ZFP64: variants seen among roughly 807,000 people sequenced by gnomAD.
ZFP64 encodes the protein zinc finger protein 64.
Under a neutral mutation model 51.6 loss-of-function variants are expected in ZFP64, and 14 were observed. That is an observed-to-expected ratio of 0.27 (90% CI 0.18 to 0.42). The LOEUF is 0.42. ZFP64 is among the 10% of genes least tolerant of loss of function. The pLI, the probability that ZFP64 is intolerant of heterozygous loss-of-function variation, is 1.00. For missense variants in ZFP64, 754 were observed against 906.8 expected, an observed-to-expected ratio of 0.83 and a Z score of 2.16; for synonymous variants, 375 against 361.4, an observed-to-expected ratio of 1.04 and a Z score of -0.43.
intron 2 of ZFP64, among the ~76,000 whole-genome samples, chr20:52,170,142 A>C (rs1014547617): frequency 7.2e-5 from 11 of 151,818 alleles, no homozygotes; most frequent in African/African-American, 2.7e-4. Context: ...AGGAAGCATC[A>C]TGAGTGGGCA....
At chr20:52,136,096 CAAAAAAAA>C (rs71192597) in intron 5 of ZFP64, among the ~76,000 whole-genome samples, 2 of 38,040 alleles carry the variant, frequency 5.3e-5, no homozygotes, top group Admixed American at 8.2e-4. Flanking sequence ...GAGACTCTCT[CAAAAAAAA>C]AAAAAAAAAA....
intron 5 of ZFP64, among the ~76,000 whole-genome samples, chr20:52,158,977 GGAA>G (rs1284053529): frequency 6.6e-6 from 1 of 152,206 alleles, no homozygotes; most frequent in Non-Finnish European, 1.5e-5. Context: ...GGTCCCAGGA[GGAA>G]GATGAGAGAT....
At chr20:52,116,280 C>T (rs1333808981) in intron 5 of ZFP64, among the ~76,000 whole-genome samples, 1 of 151,832 alleles carries the variant, frequency 6.6e-6, no homozygotes, top group Non-Finnish European at 1.5e-5. Flanking sequence ...GGATTACAGG[C>T]ATGCATCACC....
At chr20:52,097,354 G>A in intron 7 of ZFP64, 1 of 1,610,898 alleles carries the variant, frequency 6.2e-7, no homozygotes, top group East Asian at 2.2e-5. Context: ...CTGAGCTGTT[G>A]AACAGAATGG....
At chr20:52,138,653 TAA>T (rs10716412) in intron 5 of ZFP64, among the ~76,000 whole-genome samples, 28,677 of 149,400 alleles carry the variant, frequency 0.19, 3,089 homozygotes, top group Admixed American at 0.26. Flanking sequence ...CAAAATATAA[TAA>T]AAAAAAAAGC....
At chr20:52,108,088 C>T (rs555875645) in intron 5 of ZFP64, among the ~76,000 whole-genome samples, 25 of 152,132 alleles carry the variant, frequency 1.6e-4, no homozygotes, top group African/African-American at 1.2e-4. Flanking sequence ...ATTAGCTGGG[C>T]GGATGACACA....
intron 5 of ZFP64, among the ~76,000 whole-genome samples, chr20:52,116,378 C>T (rs1358042027): frequency 4.6e-5 from 7 of 151,616 alleles, no homozygotes; most frequent in African/African-American, 1.5e-4. Flanking sequence ...TCAGGTGATC[C>T]GCTTGCCTCG....
chr20:52,097,460 T>C (rs1428104584), intron 6 of ZFP64: 2 of 1,589,728 alleles, frequency 1.3e-6, no homozygotes, highest in East Asian at 2.2e-5. Flanking sequence ...TAGATTTTTT[T>C]TTTTTTTTTT....
At chr20:52,126,457 G>T (rs1396916291) in intron 5 of ZFP64, among the ~76,000 whole-genome samples, 1 of 152,134 alleles carries the variant, frequency 6.6e-6, no homozygotes, top group East Asian at 1.9e-4. Context: ...AGGCTTAAAA[G>T]GTCTTTGAAT....
At chr20:52,122,171 C>T (rs1210568074) in intron 5 of ZFP64, among the ~76,000 whole-genome samples, 1 of 152,158 alleles carries the variant, frequency 6.6e-6, no homozygotes, top group African/African-American at 2.4e-5. Context: ...ACACAACCTC[C>T]ATTCTACAGT....
At chr20:52,128,394 G>A (rs543713606) in intron 5 of ZFP64, among the ~76,000 whole-genome samples, 7 of 152,180 alleles carry the variant, frequency 4.6e-5, no homozygotes, top group South Asian at 2.1e-4. Flanking sequence ...CAATGGACAA[G>A]GTGGGTAAAT....
At position 52,191,613 on chromosome 20, in the gene ZFP64, C is replaced by T; in HGVS notation, c.24G>A (p.Glu8=). ...TACTTTGCACCGAGCCCGCGAAGCTCTCGCCCTCGCTGCTCGCGTTCATGG... is the reference window on the plus strand; with the variant it reads ...TACTTTGCACCGAGCCCGCGAAGCTTTCGCCCTCGCTGCTCGCGTTCATGG... MNASSEG[E]SFAGSVQIPG... Residue 8 remains glutamate (E), a synonymous_variant, in exon 1 of 6, where the codon GAG becomes GAA. Coordinates refer to ENST00000216923, the MANE Select transcript of ZFP64 (RefSeq NM_018197.3). The surrounding 1 kb of genome is among the most constrained non-coding windows in gnomAD (Gnocchi z 4.3). 2.5e-6 allele frequency: 4 copies of T among 1,589,724 alleles called. No individual in the cohort carries two copies. Among genetic ancestry groups the T allele is most frequent in the Non-Finnish European group, 3.4e-6 (4 of 1,170,810 alleles).
chr20:52,134,802 C>T (rs1979891331), intron 5 of ZFP64, among the ~76,000 whole-genome samples: 1 of 152,138 alleles, frequency 6.6e-6, no homozygotes, highest in African/African-American at 2.4e-5. Context: ...CTAATTTGAA[C>T]TTACGGACCA....
intron 2 of ZFP64, chr20:52,175,864 G>GCCCC: frequency 1.2e-5 from 3 of 256,926 alleles, no homozygotes; most frequent in African/African-American, 3.4e-5. Context: ...CCCCGCTGCC[G>GCCCC]CCCCCGCCCC....
chr20:52,145,872 C>A (rs756383259), intron 5 of ZFP64, among the ~76,000 whole-genome samples: 10 of 151,988 alleles, frequency 6.6e-5, no homozygotes, highest in African/African-American at 1.9e-4. Context: ...TTAAAAAAGT[C>A]TTTCTTCAGT....
At chr20:52,167,011 A>G (rs977954148) in intron 2 of ZFP64, among the ~76,000 whole-genome samples, 2 of 152,114 alleles carry the variant, frequency 1.3e-5, no homozygotes, top group African/African-American at 4.8e-5. Flanking sequence ...AAAAAATAGC[A>G]AAACACAGAC....
intron 8 of ZFP64, among the ~76,000 whole-genome samples, chr20:52,086,437 A>G (rs2078864733): frequency 6.6e-6 from 1 of 151,718 alleles, no homozygotes; most frequent in South Asian, 2.1e-4. Context: ...TCTCAATTTC[A>G]GAAGTCATCC....
intron 5 of ZFP64, chr20:52,110,231 G>C (rs1369191181): frequency 1.1e-5 from 3 of 267,890 alleles, no homozygotes; most frequent in Non-Finnish European, 2.1e-5. Flanking sequence ...AGAATTGTAA[G>C]TTAGTACCAC....
At chr20:52,105,405 T>G in intron 5 of ZFP64, 1 of 1,223,982 alleles carries the variant, frequency 8.2e-7, no homozygotes, top group Non-Finnish European at 1.0e-6. Context: ...CTGATTGGCC[T>G]GGAGCCAAGA....
Sources: gnomAD v4.1 joint callset for allele counts (sites outside exome capture counted in the v4.1 genomes callset) on GRCh38, gnomAD v4.1.1 for gene constraint, Gnocchi (gnomAD v3.1) non-coding constraint, MANE v1.5 for transcripts, NCBI Gene and HGNC (gene_info 2026-07-23, HGNC 2026-07-21) for gene names.